The following SATB2 variants were observed in gnomAD, a reference collection of about 807,000 sequenced individuals.
SATB2 encodes the protein SATB homeobox 2.
In SATB2, 1 loss-of-function variant was observed where a neutral mutation model predicts 73.4. The observed-to-expected ratio is 0.01, with a 90% CI of 0.00 to 0.06. The LOEUF (loss-of-function observed/expected upper bound fraction) is 0.06, where lower values mean the gene tolerates loss of function less well. Among genes scored for constraint, SATB2 ranks in the 10% least tolerant of loss-of-function variants. The pLI is 1.00. For synonymous variants in SATB2, 397 were observed against 367.0 expected (o/e 1.08, Z -0.93); for missense variants, 459 against 945.8 (o/e 0.49, Z 6.75).
chr2:199,434,388 G>A (rs1189806402), intron 2 of SATB2, among the ~76,000 whole-genome samples: 1 of 152,034 alleles, frequency 6.6e-6, no homozygotes, highest in South Asian at 2.1e-4. Flanking sequence ...TCTCTGCTTT[G>A]TATCAAAGTG....
intron 3 of SATB2, among the ~76,000 whole-genome samples, chr2:199,394,032 C>A (rs1408441383): frequency 6.6e-6 from 1 of 152,068 alleles, no homozygotes; most frequent in Non-Finnish European, 1.5e-5. Flanking sequence ...TTCATTAGTT[C>A]TTTATGTTAA....
rs755168487 is a variant in SATB2, at chr2:199,272,179, C to T, written c.*32G>A. The T allele has an allele frequency of 8.9e-6, 14 of 1,576,788 alleles. No homozygotes were observed. The highest frequency in any genetic ancestry group is 4.4e-5 in the South Asian group (4 of 90,340). ...AAATGAAAGCAGAAAATCCTTGGAC[C>T]GATGTATTGCTTTGCCTAGTAGAAG... On this transcript the variant is annotated 3_prime_UTR_variant, in exon 11 of 11. Transcript: ENST00000417098. The surrounding 1 kb of genome is among the most constrained non-coding windows in gnomAD (Gnocchi z 6.7).
intron 10 of SATB2, among the ~76,000 whole-genome samples, chr2:199,277,560 A>G (rs1188981802): frequency 1.3e-5 from 2 of 152,152 alleles, no homozygotes; most frequent in African/African-American, 4.8e-5. Flanking sequence ...ATTAAGGTTA[A>G]TCTAGACAAC....
intron 3 of SATB2, among the ~76,000 whole-genome samples, chr2:199,414,477 A>G (rs1010101172): frequency 6.6e-6 from 1 of 152,202 alleles, no homozygotes; most frequent in Non-Finnish European, 1.5e-5. Flanking sequence ...CACTTATTAA[A>G]TTGAATTAAT....
chr2:199,399,505 T>C (rs999593196), intron 3 of SATB2, among the ~76,000 whole-genome samples: 2 of 152,162 alleles, frequency 1.3e-5, no homozygotes, highest in African/African-American at 4.8e-5. Flanking sequence ...AATCCTACAA[T>C]ATATGTATTA....
intron 3 of SATB2, among the ~76,000 whole-genome samples, chr2:199,414,615 T>C (rs545012697): frequency 2.0e-5 from 3 of 152,308 alleles, no homozygotes; most frequent in African/African-American, 7.2e-5. Flanking sequence ...AATTGCTGTA[T>C]TGTTTTGACA....
At chr2:199,329,040 A>G in intron 7 of SATB2, 130 bp from the exon 8 acceptor site, 1 of 732,210 alleles carries the variant, frequency 1.4e-6, no homozygotes, top group South Asian at 1.5e-5. Context: ...CCTCACACTA[A>G]TTCCTTAGGG....
At chr2:199,273,155 AC>A (rs1311371145) in intron 10 of SATB2, among the ~76,000 whole-genome samples, 1 of 152,222 alleles carries the variant, frequency 6.6e-6, no homozygotes, top group Non-Finnish European at 1.5e-5. Flanking sequence ...AGGATAAGAA[AC>A]CAACCTCCTA....
intron 7 of SATB2, among the ~76,000 whole-genome samples, chr2:199,341,931 C>T (rs1688518048): frequency 6.6e-6 from 1 of 152,052 alleles, no homozygotes; most frequent in Admixed American, 6.6e-5. Flanking sequence ...AAGCAAAGTC[C>T]CAGCTTCAGC....
intron 3 of SATB2, among the ~76,000 whole-genome samples, chr2:199,406,189 A>G (rs2105897679): frequency 6.6e-6 from 1 of 152,248 alleles, no homozygotes; most frequent in African/African-American, 2.4e-5. Context: ...TGAGTCCTGG[A>G]ACCAATCCCC....
chr2:199,311,508 C>T (rs2105773020), intron 9 of SATB2, among the ~76,000 whole-genome samples: 1 of 152,196 alleles, frequency 6.6e-6, no homozygotes, highest in South Asian at 2.1e-4. Context: ...ACCTACAGAG[C>T]AGAAAGATTG....
chr2:199,341,157 T>C (rs1486690954), intron 7 of SATB2, among the ~76,000 whole-genome samples: 2 of 152,178 alleles, frequency 1.3e-5, no homozygotes, highest in Non-Finnish European at 2.9e-5. Context: ...AAAAGAATGC[T>C]TAAGGTTGGA....
chr2:199,406,550 C>A (rs1690634415), intron 3 of SATB2, among the ~76,000 whole-genome samples: 1 of 152,130 alleles, frequency 6.6e-6, no homozygotes, highest in South Asian at 2.1e-4. Context: ...AGGCTGCCCC[C>A]ATAGTCATCT....
chr2:199,349,316 A>C (rs937098288), intron 6 of SATB2, 143 bp from the exon 7 acceptor site: 20 of 685,034 alleles, frequency 2.9e-5, no homozygotes, highest in Non-Finnish European at 4.5e-5. Context: ...TCCAGCATAA[A>C]AGTGATATTC....
intron 9 of SATB2, among the ~76,000 whole-genome samples, chr2:199,312,928 GAAGAA>G (rs763231618): frequency 1.1e-4 from 16 of 152,204 alleles, no homozygotes; most frequent in Middle Eastern, 3.4e-3. Context: ...CAAGGTAATA[GAAGAA>G]AAGAAAAGAC....
chr2:199,456,490 C>T lies in SATB2; in HGVS notation c.-59-394G>A, dbSNP rs549707409. Among the ~76,000 whole-genome samples the T allele has an allele frequency of 1.1e-3, 166 of 152,338 alleles. 1 individual carries two copies. Among genetic ancestry groups the T allele is most frequent in the Non-Finnish European group, 1.9e-3 (127 of 68,040 alleles). ...GTGAACTTCAGAAAAAGACGTTCCACCCACATGGGAAGGGAGTTGGGGGTG... is the reference window on the plus strand; with the variant it reads ...GTGAACTTCAGAAAAAGACGTTCCATCCACATGGGAAGGGAGTTGGGGGTG... On this transcript the variant is annotated intron_variant, in intron 1 of 10. Coordinates refer to ENST00000417098, the MANE Select transcript of SATB2 (RefSeq NM_001172509.2).
intron 6 of SATB2, among the ~76,000 whole-genome samples, chr2:199,359,472 A>T (rs1574544563): frequency 6.6e-6 from 1 of 152,212 alleles, no homozygotes; most frequent in African/African-American, 2.4e-5. Flanking sequence ...TTGCAACATG[A>T]ACTAAACAAG....
chr2:199,369,653 C>T (rs1343715884), intron 5 of SATB2, among the ~76,000 whole-genome samples: 1 of 152,090 alleles, frequency 6.6e-6, no homozygotes, highest in African/African-American at 2.4e-5. Flanking sequence ...GCCTTGAAAT[C>T]TCATCTTTCT....
intron 7 of SATB2, among the ~76,000 whole-genome samples, chr2:199,331,216 G>GT (rs55641518): frequency 0.78 from 113,938 of 146,468 alleles, 45,770 homozygotes; most frequent in Non-Finnish European, 0.88. Context: ...TTTGTTTCTT[G>GT]TTTTTTTTTT....
Sources: gnomAD v4.1 joint callset for allele counts (sites outside exome capture counted in the v4.1 genomes callset) on GRCh38, gnomAD v4.1.1 for gene constraint, Gnocchi (gnomAD v3.1) non-coding constraint, MANE v1.5 for transcripts, NCBI Gene and HGNC (gene_info 2026-07-23, HGNC 2026-07-21) for gene names.